The following TENM4 variants were observed in gnomAD, a reference collection of about 807,000 sequenced individuals.
TENM4 encodes the protein teneurin transmembrane protein 4, also known as teneurin-4.
In TENM4, 82 loss-of-function variants were observed where a neutral mutation model predicts 243.3. The observed-to-expected ratio is 0.34, with a 90% CI of 0.28 to 0.40. The LOEUF is 0.40. Among genes scored for constraint, TENM4 ranks in the 10% least tolerant of loss-of-function variants. The pLI is 1.00. For missense variants in TENM4, 3,138 were observed against 3,673.3 expected, an observed-to-expected ratio of 0.85 and a Z score of 3.77; for synonymous variants, 1,412 against 1,456.3, an observed-to-expected ratio of 0.97 and a Z score of 0.69.
intron 6 of TENM4, among the ~76,000 whole-genome samples, chr11:78,977,026 GA>G (rs1209251186): frequency 1.3e-5 from 2 of 152,200 alleles, no homozygotes; most frequent in Non-Finnish European, 2.9e-5. Flanking sequence ...CTGGAGGGCA[GA>G]AGTCTGAAAT....
intron 4 of TENM4, among the ~76,000 whole-genome samples, chr11:79,126,679 T>G (rs764351071): frequency 2.0e-5 from 3 of 152,074 alleles, no homozygotes; most frequent in Non-Finnish European, 2.9e-5. Context: ...CTAATTTGAA[T>G]AATAAAAAAA....
intron 29 of TENM4, among the ~76,000 whole-genome samples, chr11:78,686,607 C>G (rs562977812): frequency 6.6e-6 from 1 of 152,194 alleles, no homozygotes; most frequent in South Asian, 2.1e-4. Context: ...GAGGCCATCT[C>G]CAGGTAGATA....
chr11:79,075,355 AG>A (rs1463423272), intron 4 of TENM4, among the ~76,000 whole-genome samples: 3 of 152,190 alleles, frequency 2.0e-5, no homozygotes, highest in Non-Finnish European at 4.4e-5. Context: ...AATGAGCTCC[AG>A]GCTAGGAGTA....
chr11:78,788,498 T>G (rs1460750800), intron 15 of TENM4, among the ~76,000 whole-genome samples: 1 of 152,242 alleles, frequency 6.6e-6, no homozygotes, highest in African/African-American at 2.4e-5. Context: ...GTCCCTTGAC[T>G]TCACTGAGCT....
intron 25 of TENM4, among the ~76,000 whole-genome samples, chr11:78,715,866 G>T (rs766712557): frequency 6.6e-6 from 1 of 152,160 alleles, no homozygotes; most frequent in South Asian, 2.1e-4. Context: ...AGCTGCAGCT[G>T]CATCTATGAT....
chr11:79,163,301 C>T (rs1369878034), intron 3 of TENM4, among the ~76,000 whole-genome samples: 2 of 152,044 alleles, frequency 1.3e-5, no homozygotes, highest in African/African-American at 2.4e-5. Context: ...TCATAAAAAT[C>T]CTATGCTGTA....
In TENM4 at chr11:79,430,659, G is replaced by A. The variant is rs546987245; in HGVS notation, c.-321+9850C>T. Among the ~76,000 whole-genome samples the A allele has an allele frequency of 2.6e-5, 4 of 152,304 alleles. No homozygotes were observed. The East Asian group carries it at 7.7e-4, about 29-fold the overall frequency. On this transcript the variant is annotated intron_variant, in intron 1 of 33. Coordinates refer to ENST00000278550, the MANE Select transcript of TENM4 (RefSeq NM_001098816.3). Reference sequence around the variant, plus strand: ...CAATCCACACAGCCATGAGATATGGGGTAGATTCTATTGCTTCCCTCTTTA... The same window carrying A: ...CAATCCACACAGCCATGAGATATGGAGTAGATTCTATTGCTTCCCTCTTTA...
intron 28 of TENM4, among the ~76,000 whole-genome samples, chr11:78,693,811 C>T (rs1285239070): frequency 1.3e-5 from 2 of 152,082 alleles, no homozygotes; most frequent in African/African-American, 2.4e-5. Context: ...GTCAGGAGTT[C>T]GAGACCAGCC....
Position 79,120,827 on chromosome 11 carries a change from A to G in TENM4, c.-66+27883T>C, listed in dbSNP as rs77529148. Among the ~76,000 whole-genome samples, 155 of 152,356 alleles carry G rather than the reference A, an allele frequency of 1.0e-3. 2 individuals are homozygous for G. In the East Asian group the frequency reaches 0.022, roughly 21 times the overall value. On this transcript the variant is annotated intron_variant, in intron 4 of 33. Coordinates refer to ENST00000278550, the MANE Select transcript of TENM4 (RefSeq NM_001098816.3). ...TAATAACTTACTATTATATGACAAC[A>G]AATAAATAACTTACTATTTGTTGGG...
chr11:79,069,989 C>A lies in TENM4; in HGVS notation c.-45G>T, dbSNP rs746111733. The A allele has an allele frequency of 6.5e-7, 1 of 1,533,628 alleles. No homozygotes were observed. On this transcript the variant is annotated 5_prime_UTR_variant, in exon 5 of 34. Transcript: ENST00000278550. ...TCCACATCCACAAACAGGGTCCTCG[C>A]CGCACTCAGGGCCGAGTGGTCTAGA... is the stretch of plus-strand genomic sequence containing the variant.
chr11:79,293,314 C>A (rs1856387842), intron 2 of TENM4, among the ~76,000 whole-genome samples: 1 of 151,888 alleles, frequency 6.6e-6, no homozygotes, highest in African/African-American at 2.4e-5. Flanking sequence ...GTGGGTCACA[C>A]TTGGCAACAT....
At chr11:78,705,193 C>T (rs1859215469) in intron 27 of TENM4, among the ~76,000 whole-genome samples, 1 of 152,210 alleles carries the variant, frequency 6.6e-6, no homozygotes, top group South Asian at 2.1e-4. Flanking sequence ...CCTGTGGCAC[C>T]TTGGGGACCT....
intron 1 of TENM4, among the ~76,000 whole-genome samples, chr11:79,332,977 A>C (rs1857086075): frequency 6.6e-6 from 1 of 152,168 alleles, no homozygotes; most frequent in East Asian, 1.9e-4. Flanking sequence ...AGGATTTGTC[A>C]ACCTTCAACA....
intron 1 of TENM4, among the ~76,000 whole-genome samples, chr11:79,331,034 G>A (rs1329374113): frequency 6.6e-6 from 1 of 152,202 alleles, no homozygotes; most frequent in Non-Finnish European, 1.5e-5. Context: ...GGCCAGGAAG[G>A]AGGGAAAGAG....
At chr11:78,915,157 G>A (rs750683192) in intron 6 of TENM4, among the ~76,000 whole-genome samples, 1 of 152,184 alleles carries the variant, frequency 6.6e-6, no homozygotes, top group African/African-American at 2.4e-5. Flanking sequence ...CTCACTGCTT[G>A]TCTCATGGCC....
chr11:79,233,660 A>AGG (rs1864410654), intron 2 of TENM4, among the ~76,000 whole-genome samples: 1 of 152,020 alleles, frequency 6.6e-6, no homozygotes, highest in Non-Finnish European at 1.5e-5. Context: ...GGGGCTGTGA[A>AGG]TGGGGAGAGG....
chr11:79,261,812 C>T (rs551795883), intron 2 of TENM4, among the ~76,000 whole-genome samples: 1 of 152,230 alleles, frequency 6.6e-6, no homozygotes, highest in South Asian at 2.1e-4. Context: ...TCTTTCCTGA[C>T]CCCCAGAGAC....
intron 18 of TENM4, among the ~76,000 whole-genome samples, chr11:78,761,139 T>G (rs1253887872): frequency 6.6e-6 from 1 of 152,238 alleles, no homozygotes; most frequent in African/African-American, 2.4e-5. Flanking sequence ...TGGTCAATCA[T>G]TTCCTACGTG....
intron 1 of TENM4, among the ~76,000 whole-genome samples, chr11:79,307,617 G>T (rs1198479758): frequency 1.3e-5 from 2 of 152,104 alleles, no homozygotes; most frequent in East Asian, 3.9e-4. Flanking sequence ...CCCAGCCCTG[G>T]TGACAGGCCC....
Sources: allele counts gnomAD v4.1 joint callset (sites outside exome capture counted in the v4.1 genomes callset), GRCh38; gene constraint gnomAD v4.1.1; transcripts MANE v1.5; gene names NCBI Gene and HGNC (gene_info 2026-07-23, HGNC 2026-07-21).